ARHGAP26: variants seen among roughly 807,000 people sequenced by gnomAD.
ARHGAP26 encodes rho GTPase-activating protein 26.
ARHGAP26 carries 38 observed loss-of-function variants against 104.8 expected under a neutral mutation model. The ratio of observed to expected loss-of-function variants is 0.36; its 90% CI spans 0.28 to 0.48. The LOEUF (loss-of-function observed/expected upper bound fraction) is 0.48. Among genes scored for constraint, ARHGAP26 ranks in the 20% least tolerant of loss-of-function variants. ARHGAP26 has a pLI of 0.99. For synonymous variants in ARHGAP26, 341 were observed against 340.0 expected, an observed-to-expected ratio of 1.00 and a Z score of -0.03; for missense variants, 704 against 947.9, an observed-to-expected ratio of 0.74 and a Z score of 3.38.
rs1228837616 is a variant in ARHGAP26 at position 143,222,364 on chromosome 5, C to T, written c.2198C>T (p.Pro733Leu). The T allele has an allele frequency of 1.3e-6, 2 of 1,596,488 alleles. 1 individual carries two copies. Among genetic ancestry groups the T allele is most frequent in the South Asian group, 2.2e-5 (2 of 88,970 alleles). ...CTCTCCCCTTCCTGTACAGTTCACC[C>T]ATCTCAGGAGCCTGGCTGGTTGGAG... ...TAGTVFDNVH[P>L]SQEPGWLEGT... Residue 733 changes from proline (P) to leucine (L), a missense_variant, in exon 23 of 23, where the codon CCA becomes CTA. By Grantham distance (98) the Pro-to-Leu change is moderately conservative. Coordinates refer to ENST00000645722, the MANE Select transcript of ARHGAP26 (RefSeq NM_001135608.3).
At chr5:143,033,787 ACTT>A (rs141471522) in intron 12 of ARHGAP26, among the ~76,000 whole-genome samples, 17,422 of 152,104 alleles carry the variant, frequency 0.11, 2,684 homozygotes, top group African/African-American at 0.35. Context: ...TCTCTCCCAG[ACTT>A]CTTTGATTCT....
At chr5:143,048,204 A>G (rs751777361) in intron 14 of ARHGAP26, among the ~76,000 whole-genome samples, 3 of 151,926 alleles carry the variant, frequency 2.0e-5, no homozygotes, top group East Asian at 1.9e-4. Context: ...TATATTTTCA[A>G]TATGTTTTGT....
At position 143,214,202 on chromosome 5, in the gene ARHGAP26, A is replaced by ACAC. The variant is rs1809970547; in HGVS notation, c.2191+114_2191+115insCAC. ...GAGGGAAAATCTCAATACAATGGGTAAGAAAAAAAGTGTGTGTGCGTCTGT... is the reference window on the plus strand; with the variant it reads ...GAGGGAAAATCTCAATACAATGGGTACACAGAAAAAAAGTGTGTGTGCGTCTGT... On this transcript the variant is annotated intron_variant, in intron 22 of 22. Transcript: ENST00000645722. 9 of 689,436 alleles carry ACAC rather than the reference A, an allele frequency of 1.3e-5. No individual in the cohort carries two copies. In the African/African-American group the frequency reaches 1.4e-4, roughly 11 times the overall value. 42.7% of individuals were successfully genotyped at this position (689,436 alleles called of 1,614,324 possible). A position where few individuals can be genotyped will look rare whatever the true frequency, so the allele number is the denominator to read the frequency against.
intron 20 of ARHGAP26, among the ~76,000 whole-genome samples, chr5:143,181,729 G>A (rs258768): frequency 3.3e-5 from 5 of 152,224 alleles, no homozygotes; most frequent in African/African-American, 9.6e-5. Context: ...CTTTAGCTCC[G>A]CACTTTGGAG....
At chr5:143,160,417 A>G (rs1801074060) in intron 20 of ARHGAP26, among the ~76,000 whole-genome samples, 1 of 151,462 alleles carries the variant, frequency 6.6e-6, no homozygotes, top group Admixed American at 6.6e-5. Flanking sequence ...AGGAGTCTAA[A>G]TGAGATGCTA....
At chr5:143,122,442 A>T (rs887776236) in intron 18 of ARHGAP26, among the ~76,000 whole-genome samples, 2 of 152,230 alleles carry the variant, frequency 1.3e-5, no homozygotes, top group South Asian at 4.1e-4. Context: ...GTTTAAAATT[A>T]TAATCCCAAC....
intron 1 of ARHGAP26, among the ~76,000 whole-genome samples, chr5:142,842,498 G>C (rs1364954186): frequency 1.3e-5 from 2 of 152,176 alleles, no homozygotes; most frequent in Non-Finnish European, 2.9e-5. Context: ...CTTAGGTTCA[G>C]CACCCAGCAC....
chr5:143,127,592 G>A (rs1378411668), intron 18 of ARHGAP26, among the ~76,000 whole-genome samples: 1 of 152,082 alleles, frequency 6.6e-6, no homozygotes, highest in African/African-American at 2.4e-5. Flanking sequence ...TTAACACCTG[G>A]ACTAAGCACT....
intron 11 of ARHGAP26, among the ~76,000 whole-genome samples, chr5:142,990,414 T>C (rs1775414311): frequency 6.6e-6 from 1 of 152,230 alleles, no homozygotes; most frequent in African/African-American, 2.4e-5. Flanking sequence ...CTCCTTTAAC[T>C]CAGAGAAGTT....
intron 12 of ARHGAP26, among the ~76,000 whole-genome samples, chr5:143,032,267 AGCTGAACCTGAG>A (rs34318771): frequency 0.19 from 28,714 of 152,106 alleles, 3,222 homozygotes; most frequent in South Asian, 0.32. Flanking sequence ...CACTGAGCAG[AGCTGAACCTGAG>A]GCTGAGGGAG....
chr5:143,049,298 T>G (rs1784659385), intron 14 of ARHGAP26, among the ~76,000 whole-genome samples: 2 of 152,228 alleles, frequency 1.3e-5, no homozygotes. Flanking sequence ...CATCTCAGTA[T>G]TACTCATTTA....
chr5:143,142,919 G>C (rs1009366541), intron 19 of ARHGAP26, among the ~76,000 whole-genome samples: 3 of 152,100 alleles, frequency 2.0e-5, no homozygotes, highest in Non-Finnish European at 2.9e-5. Context: ...TGGGTATTTT[G>C]TGTTTGCCTT....
rs1803157005 is a variant in ARHGAP26 at position 143,174,174 on chromosome 5, A to G, written c.1988+26793A>G. 2.6e-5 allele frequency among the ~76,000 whole-genome samples: 4 copies of G among 152,224 alleles called. No individual in the cohort carries two copies. The South Asian group carries it at 6.2e-4, about 24-fold the overall frequency. ...CAGCTCAGAGATTCTGTCCCATGCA[A>G]AATAAAAGATAGGTAACAATCTATT... is the stretch of plus-strand genomic sequence containing the variant. On this transcript the variant is annotated intron_variant, in intron 20 of 22. Transcript: ENST00000645722.
chr5:143,190,726 A>G (rs1427139950), intron 20 of ARHGAP26, among the ~76,000 whole-genome samples: 1 of 152,224 alleles, frequency 6.6e-6, no homozygotes, highest in Non-Finnish European at 1.5e-5. Flanking sequence ...AAATGAGAGG[A>G]CAAGCCACAC....
At chr5:142,779,522 G>A (rs1470025049) in intron 1 of ARHGAP26, among the ~76,000 whole-genome samples, 2 of 152,008 alleles carry the variant, frequency 1.3e-5, no homozygotes, top group East Asian at 3.9e-4. Flanking sequence ...GGTTTCTCTG[G>A]GCCAAGCCAG....
chr5:142,897,415 T>A (rs772204102), intron 6 of ARHGAP26, among the ~76,000 whole-genome samples: 8 of 152,236 alleles, frequency 5.3e-5, no homozygotes, highest in Non-Finnish European at 8.8e-5. Flanking sequence ...GCACATCAGC[T>A]TCTAGGCAGG....
At chr5:143,141,614 A>T (rs555338877) in intron 19 of ARHGAP26, among the ~76,000 whole-genome samples, 1 of 152,350 alleles carries the variant, frequency 6.6e-6, no homozygotes, top group South Asian at 2.1e-4. Context: ...GAGTCATGGT[A>T]TAAAAGTAGG....
intron 1 of ARHGAP26, among the ~76,000 whole-genome samples, chr5:142,781,234 C>T: frequency 6.6e-6 from 1 of 152,184 alleles, no homozygotes; most frequent in East Asian, 1.9e-4. Context: ...TGAAGGGTAC[C>T]TCTGTTATTT....
At chr5:142,896,619 G>T (rs893387866) in intron 6 of ARHGAP26, among the ~76,000 whole-genome samples, 1 of 152,042 alleles carries the variant, frequency 6.6e-6, no homozygotes, top group Non-Finnish European at 1.5e-5. Context: ...CTTGAGAAAA[G>T]AAATCTCTAA....
Sources: allele counts gnomAD v4.1 joint callset (sites outside exome capture counted in the v4.1 genomes callset), GRCh38; gene constraint gnomAD v4.1.1; transcripts MANE v1.5; gene names NCBI Gene and HGNC (gene_info 2026-07-23, HGNC 2026-07-21).